Variants in UGGT1 observed in about 807,000 individuals in gnomAD.
The protein encoded by UGGT1 is UDP-glucose:glycoprotein glucosyltransferase 1.
A neutral mutation model predicts 203.9 loss-of-function variants in UGGT1; 107 were observed. The observed-to-expected ratio is 0.52, with a 90% CI of 0.45 to 0.62. The LOEUF (loss-of-function observed/expected upper bound fraction) is 0.62. UGGT1 is among the 20% of genes least tolerant of loss of function. The pLI is 0.00. For missense variants in UGGT1, 1,673 were observed against 1,867.2 expected (o/e 0.90, Z 1.92); for synonymous variants, 628 against 653.5 (o/e 0.96, Z 0.59).
intron 19 of UGGT1, 139 bp from the exon 20 acceptor site, chr2:128,155,350 T>G (rs770809881): frequency 1.1e-5 from 7 of 629,694 alleles, no homozygotes; most frequent in African/African-American, 3.7e-5. Flanking sequence ...TGTGAAGTTG[T>G]TCAGTAAACA....
intron 11 of UGGT1, 29 bp from the exon 12 acceptor site, chr2:128,127,323 TCTCTCACAG>T (rs1688652497): frequency 1.4e-6 from 2 of 1,467,662 alleles, no homozygotes; most frequent in Non-Finnish European, 9.4e-7. Context: ...TTTAAAACAT[TCTCTCACAG>T]CTCCCTAATA....
At position 128,194,647 on chromosome 2, in the gene UGGT1, CAAAT is replaced by C. The variant is rs1470634160; in HGVS notation, c.*4909_*4912del. Reference sequence around the variant, plus strand: ...TTTTTGTGGGATGATTGGAGTTAATCAAATAAAGCTTGTCATGTGTGTAGTTTGG... The same window carrying C: ...TTTTTGTGGGATGATTGGAGTTAATCAAAGCTTGTCATGTGTGTAGTTTGG... On this transcript the variant is annotated 3_prime_UTR_variant, in exon 41 of 41. Transcript: ENST00000259253. 6.6e-6 allele frequency: 1 copy of C among 152,122 alleles called. No individual in the cohort carries two copies. The highest frequency in any genetic ancestry group is 6.6e-5 in the Admixed American group (1 of 15,266). 9.4% of individuals were successfully genotyped at this position (152,122 alleles called of 1,614,324 possible). A position where few individuals can be genotyped will look rare whatever the true frequency, so the allele number is the denominator to read the frequency against.
intron 19 of UGGT1, 90 bp downstream of exon 19, chr2:128,152,994 TTC>T: frequency 6.4e-7 from 1 of 1,572,322 alleles, no homozygotes; most frequent in Non-Finnish European, 8.6e-7. Context: ...TCTGATTATC[TTC>T]TGCAGTGTTC....
chr2:128,182,496 C>T (rs1199732456), intron 37 of UGGT1, among the ~76,000 whole-genome samples: 5 of 152,070 alleles, frequency 3.3e-5, no homozygotes, highest in African/African-American at 1.2e-4. Context: ...GTCAGGATTT[C>T]AAGACCAGCC....
At chr2:128,146,984 C>T (rs1689723233) in intron 18 of UGGT1, among the ~76,000 whole-genome samples, 1 of 152,218 alleles carries the variant, frequency 6.6e-6, no homozygotes, top group Non-Finnish European at 1.5e-5. Flanking sequence ...TCGGGCCCCA[C>T]TGTGCATCAA....
At chr2:128,149,798 A>T (rs192493363) in intron 18 of UGGT1, among the ~76,000 whole-genome samples, 2,993 of 150,076 alleles carry the variant, frequency 0.02, 31 homozygotes, top group African/African-American at 0.03. Context: ...GAAAAAAAAA[A>T]AATAATAATA....
chr2:128,139,465 T>C (rs1689301075), intron 16 of UGGT1, among the ~76,000 whole-genome samples: 1 of 152,170 alleles, frequency 6.6e-6, no homozygotes, highest in Non-Finnish European at 1.5e-5. Flanking sequence ...ACATGTTTGA[T>C]CGAGGGGGCC....
chr2:128,118,722 CT>C lies in UGGT1; in HGVS notation c.873-1624del, dbSNP rs541965864. Among the ~76,000 whole-genome samples, 61 of 149,014 alleles carry C rather than the reference CT, an allele frequency of 4.1e-4. 1 individual carries two copies. The South Asian group carries it at 0.011, about 28-fold the overall frequency. On this transcript the variant is annotated intron_variant, in intron 8 of 40. Transcript: ENST00000259253. ...ATTTAGCTATCCAAAGTAATTAGAC[CT>C]TTTTTTTTTGTTTGAGACAGGCTCA...
At chr2:128,173,992 C>G (rs1691246284) in intron 30 of UGGT1, 53 bp downstream of exon 30, 1 of 1,584,348 alleles carries the variant, frequency 6.3e-7, no homozygotes, top group Admixed American at 1.7e-5. Flanking sequence ...AATTTGGGCA[C>G]TATAATTTAT....
In UGGT1 at chr2:128,170,396, A is replaced by C; in HGVS notation, c.3024+6A>C. On this transcript the variant is annotated splice_donor_region_variant and intron_variant, in intron 27 of 40. Coordinates refer to ENST00000259253, the MANE Select transcript of UGGT1 (RefSeq NM_020120.4). ...GACTTGCTCCTTTGCTCTTGGTAGG[A>C]ACGCTGTGCAGGAAGTGTACATCAC... 6.2e-7 allele frequency: 1 copy of C among 1,612,280 alleles called. No homozygotes were observed. The highest frequency in any genetic ancestry group is 1.1e-5 in the South Asian group (1 of 91,052).
At position 128,109,626 on chromosome 2, in the gene UGGT1, T is replaced by C. The variant is rs1343229566; in HGVS notation, c.409-8T>C. Reference sequence around the variant, plus strand: ...TTTAAAAAGTATGTGTTGTGTCTTATGTGACAGATAGCAGCTGATGAACCT... The same window carrying C: ...TTTAAAAAGTATGTGTTGTGTCTTACGTGACAGATAGCAGCTGATGAACCT... On this transcript the variant is annotated splice_region_variant and splice_polypyrimidine_tract_variant and intron_variant, in intron 4 of 40. Transcript: ENST00000259253. 2 of 1,608,568 alleles carry C rather than the reference T, an allele frequency of 1.2e-6. No individual in the cohort carries two copies. The highest frequency in any genetic ancestry group is 2.7e-5 in the African/African-American group (2 of 74,836).
chr2:128,095,640 C>T (rs1687087897), intron 1 of UGGT1, among the ~76,000 whole-genome samples: 1 of 152,060 alleles, frequency 6.6e-6, no homozygotes, highest in African/African-American at 2.4e-5. Context: ...AGGTGCATGC[C>T]ACCATGCCTG....
At chr2:128,091,497 G>C in intron 1 of UGGT1, 82 bp downstream of exon 1, 1 of 1,516,006 alleles carries the variant, frequency 6.6e-7, no homozygotes, top group Non-Finnish European at 8.9e-7. Context: ...CTGTCACATT[G>C]AGCTTCCGCC....
chr2:128,134,821 C>A, intron 14 of UGGT1, 55 bp from the exon 15 acceptor site: 1 of 1,523,438 alleles, frequency 6.6e-7, no homozygotes, highest in Non-Finnish European at 9.1e-7. Context: ...TTTTCTCGGC[C>A]CACAGATACT....
intron 25 of UGGT1, among the ~76,000 whole-genome samples, chr2:128,162,916 A>G (rs1690597354): frequency 6.6e-6 from 1 of 151,650 alleles, no homozygotes; most frequent in Non-Finnish European, 1.5e-5. Flanking sequence ...TAATGCTAAA[A>G]CTCTTAGGCT....
chr2:128,169,044 T>G (rs1690947017), intron 26 of UGGT1, among the ~76,000 whole-genome samples: 1 of 84,194 alleles, frequency 1.2e-5, no homozygotes, highest in Non-Finnish European at 2.2e-5. Flanking sequence ...CGAGACTCTG[T>G]CTTTAAAAAA....
intron 2 of UGGT1, among the ~76,000 whole-genome samples, chr2:128,098,655 G>A (rs186801001): frequency 3.0e-3 from 453 of 151,924 alleles, no homozygotes; most frequent in Middle Eastern, 0.01. Context: ...GAGGCTGACC[G>A]GGAGGATCAC....
chr2:128,143,933 T>C (rs1283822111), intron 17 of UGGT1, among the ~76,000 whole-genome samples: 1 of 152,186 alleles, frequency 6.6e-6, no homozygotes, highest in East Asian at 1.9e-4. Context: ...TTCTAATAAA[T>C]GTCATTGCAC....
At chr2:128,178,415 G>T (rs1200215159) in intron 33 of UGGT1, 53 bp from the exon 34 acceptor site, 39 of 1,431,542 alleles carry the variant, frequency 2.7e-5, no homozygotes, top group Non-Finnish European at 3.6e-5. Context: ...TTCAAAGGCC[G>T]TGTGTCTGTA....
Sources: allele counts gnomAD v4.1 joint callset (sites outside exome capture counted in the v4.1 genomes callset), GRCh38; gene constraint gnomAD v4.1.1; transcripts MANE v1.5; gene names NCBI Gene and HGNC (gene_info 2026-07-23, HGNC 2026-07-21).